Variants in ZKSCAN1 observed in about 807,000 individuals in gnomAD.
ZKSCAN1 encodes the protein zinc finger with KRAB and SCAN domains 1.
Under a neutral mutation model 51.6 loss-of-function variants are expected in ZKSCAN1, and 14 were observed. That is an observed-to-expected ratio of 0.27 (90% CI 0.18 to 0.42). The LOEUF (loss-of-function observed/expected upper bound fraction) is 0.42, where lower values mean the gene tolerates loss of function less well. ZKSCAN1 is among the 10% of genes least tolerant of loss of function. The probability of loss-of-function intolerance (pLI) is 1.00; values close to 1 mark genes in which losing one functional copy is unlikely to be tolerated. For missense variants in ZKSCAN1, 531 were observed against 710.0 expected, an observed-to-expected ratio of 0.75 and a Z score of 2.86; for synonymous variants, 263 against 261.5, an observed-to-expected ratio of 1.01 and a Z score of -0.06.
chr7:100,037,132 G>T lies in ZKSCAN1; in HGVS notation c.*2935G>T. The T allele has an allele frequency of 1.0e-6, 1 of 985,380 alleles. No individual in the cohort carries two copies. Among genetic ancestry groups the T allele is most frequent in the Non-Finnish European group, 1.2e-6 (1 of 829,918 alleles). 61.0% of individuals were successfully genotyped at this position (985,380 alleles called of 1,614,324 possible). A position where few individuals can be genotyped will look rare whatever the true frequency, so the allele number is the denominator to read the frequency against. ...AGATGCTCAGTGCAAAGTGTAATTG[G>T]GTCATGGTCAAAAACGCTTGCAACA... On this transcript the variant is annotated 3_prime_UTR_variant, in exon 6 of 6. Transcript: ENST00000324306.
chr7:100,026,848 C>T (rs1790857912), intron 3 of ZKSCAN1, among the ~76,000 whole-genome samples: 1 of 152,140 alleles, frequency 6.6e-6, no homozygotes, highest in African/African-American at 2.4e-5. Flanking sequence ...AAAAGACAAA[C>T]ATGTTGCACA....
In ZKSCAN1 at chr7:100,032,775, G is replaced by A. The variant is rs1192521264; in HGVS notation, c.800-530G>A. On this transcript the variant is annotated intron_variant, in intron 5 of 5. Transcript: ENST00000324306. ...TGTAATCCCAGCACTTTGGGAGGCC[G>A]AGGCGGGTGGATCACGAGGTCAGGA... Among the ~76,000 whole-genome samples the A allele has an allele frequency of 3.9e-5, 6 of 152,108 alleles. No homozygotes were observed. The South Asian group carries it at 1.0e-3, about 26-fold the overall frequency.
Position 100,034,662 on chromosome 7 carries a change from C to G in ZKSCAN1, c.*465C>G, listed in dbSNP as rs149728897. The G allele has an allele frequency of 1.6e-6, 1 of 621,384 alleles. No individual in the cohort carries two copies. Among genetic ancestry groups the G allele is most frequent in the Admixed American group, 5.9e-5 (1 of 16,964 alleles). The allele number at this position is 621,384 out of a possible 1,614,324, so 38.5% of individuals were successfully genotyped here. ...AAAAGAGGGACAGTGAAAACAAAAA[C>G]GACATTGGGACATGCTGCTCAAGGT... On this transcript the variant is annotated 3_prime_UTR_variant, in exon 6 of 6. Coordinates refer to ENST00000324306, the MANE Select transcript of ZKSCAN1 (RefSeq NM_003439.4).
chr7:100,017,446 C>A (rs1016969228), intron 1 of ZKSCAN1, among the ~76,000 whole-genome samples: 5 of 152,220 alleles, frequency 3.3e-5, no homozygotes, highest in South Asian at 2.1e-4. Context: ...TGGTCTCGAA[C>A]GCCTGATCTC....
chr7:100,029,318 T>C (rs1169158544), intron 3 of ZKSCAN1, among the ~76,000 whole-genome samples: 3 of 151,992 alleles, frequency 2.0e-5, no homozygotes, highest in Admixed American at 1.3e-4. Flanking sequence ...CAGGCTGGAG[T>C]GCGTGATCAT....
Position 100,029,931 on chromosome 7 carries a change from A to T in ZKSCAN1, c.651A>T (p.Ala217=), listed in dbSNP as rs754323987. 1 of 1,614,106 alleles carries T rather than the reference A, an allele frequency of 6.2e-7. No individual in the cohort carries two copies. The highest frequency in any genetic ancestry group is 8.5e-7 in the Non-Finnish European group (1 of 1,180,002). Residue 217 remains alanine (A), a synonymous_variant, in exon 4 of 6, where the codon GCA becomes GCT. Coordinates refer to ENST00000324306, the MANE Select transcript of ZKSCAN1 (RefSeq NM_003439.4). Reference sequence around the variant, plus strand: ...CCAGAGACCAGGCGATGGCATCTGCACTATTCACAGCGGATTCCCAGGTGA... The same window carrying T: ...CCAGAGACCAGGCGATGGCATCTGCTCTATTCACAGCGGATTCCCAGGTGA... ...GSPRDQAMAS[A]LFTADSQAMV...
At chr7:100,032,391 G>T (rs763326363) in intron 5 of ZKSCAN1, among the ~76,000 whole-genome samples, 2 of 151,956 alleles carry the variant, frequency 1.3e-5, no homozygotes. Context: ...CATTCCCCTT[G>T]TGTCTGTTTC....
chr7:100,026,024 C>A (rs537401410), intron 3 of ZKSCAN1, among the ~76,000 whole-genome samples: 1 of 152,178 alleles, frequency 6.6e-6, no homozygotes, highest in African/African-American at 2.4e-5. Flanking sequence ...AGTTCGAGAT[C>A]AGCCTGACCA....
chr7:100,038,054 T>C lies in ZKSCAN1; in HGVS notation c.*3857T>C, dbSNP rs1791438882. The C allele has an allele frequency of 1.0e-6, 1 of 985,230 alleles. No individual in the cohort carries two copies. Among genetic ancestry groups the C allele is most frequent in the Non-Finnish European group, 1.2e-6 (1 of 829,890 alleles). The allele number at this position is 985,230 out of a possible 1,614,324, so 61.0% of individuals were successfully genotyped here. On this transcript the variant is annotated 3_prime_UTR_variant, in exon 6 of 6. Transcript: ENST00000324306. ...AAAGTTGCGGGGGGGTGCTCAATCTTAACTGCAGAGGATCTACAGATGAAA... is the reference window on the plus strand; with the variant it reads ...AAAGTTGCGGGGGGGTGCTCAATCTCAACTGCAGAGGATCTACAGATGAAA...
At position 100,040,218 on chromosome 7, in the gene ZKSCAN1, T is replaced by A. The variant is rs1409450235; in HGVS notation, c.*6021T>A. On this transcript the variant is annotated 3_prime_UTR_variant, in exon 6 of 6. Transcript: ENST00000324306. The stretch of plus-strand genomic sequence containing the variant: ...TTAACATGAGAATTGAATTTCATGA[T>A]GTGTGGTTCCATTTAATAGCGGACA... 3.1e-5 allele frequency: 31 copies of A among 985,340 alleles called. No individual in the cohort carries two copies. The highest frequency in any genetic ancestry group is 1.4e-4 in the South Asian group (3 of 21,298). 61.0% of individuals were successfully genotyped at this position (985,340 alleles called of 1,614,324 possible).
rs1173824576 is a variant in ZKSCAN1, at chr7:100,033,054, C to A, written c.800-251C>A. ...GGGCGTGGTAGCATGCACCTATAGT[C>A]CCAGCTACTTGGGAGGCTGAGGCAG... On this transcript the variant is annotated intron_variant, in intron 5 of 5. Coordinates refer to ENST00000324306, the MANE Select transcript of ZKSCAN1 (RefSeq NM_003439.4). The surrounding 1 kb of genome is among the most constrained non-coding windows in gnomAD (Gnocchi z 4.1). Among the ~76,000 whole-genome samples, 3 of 151,506 alleles carry A rather than the reference C, an allele frequency of 2.0e-5. No individual in the cohort carries two copies. Among genetic ancestry groups the A allele is most frequent in the Non-Finnish European group, 4.4e-5 (3 of 67,960 alleles).
chr7:100,044,680 CAAAAAAAAAAAAA>C (rs59706759), downstream of ZKSCAN1: 165,269 of 415,494 alleles, frequency 0.4, 17,181 homozygotes, highest in East Asian at 0.5. Flanking sequence ...GACTCTATCT[CAAAAAAAAAAAAA>C]AAAAAAAAAA....
Position 100,037,993 on chromosome 7 carries a change from C to G in ZKSCAN1, c.*3796C>G. On this transcript the variant is annotated 3_prime_UTR_variant, in exon 6 of 6. Transcript: ENST00000324306. ...TAAGATCATGCCACTGGCACTCCAG[C>G]CTTGAGTGACAGAGCGAGGCTCTGT... The G allele has an allele frequency of 1.0e-6, 1 of 977,908 alleles. No homozygotes were observed. The highest frequency in any genetic ancestry group is 1.2e-6 in the Non-Finnish European group (1 of 823,194). 60.6% of individuals were successfully genotyped at this position (977,908 alleles called of 1,614,324 possible).
chr7:100,034,641 G>A lies in ZKSCAN1; in HGVS notation c.*444G>A. 1.1e-6 allele frequency: 1 copy of A among 882,568 alleles called. No homozygotes were observed. The highest frequency in any genetic ancestry group is 1.4e-6 in the Non-Finnish European group (1 of 734,086). The allele number at this position is 882,568 out of a possible 1,614,324, so 54.7% of individuals were successfully genotyped here. On this transcript the variant is annotated 3_prime_UTR_variant, in exon 6 of 6. Transcript: ENST00000324306. ...AACATCCTGCTTATTTCTCAAAAAAGAGGGACAGTGAAAACAAAAACGACA... is the reference window on the plus strand; with the variant it reads ...AACATCCTGCTTATTTCTCAAAAAAAAGGGACAGTGAAAACAAAAACGACA...
In ZKSCAN1 at chr7:100,040,664, G is replaced by A; in HGVS notation, c.*6467G>A. On this transcript the variant is annotated 3_prime_UTR_variant, in exon 6 of 6. Coordinates refer to ENST00000324306, the MANE Select transcript of ZKSCAN1 (RefSeq NM_003439.4). ...CAGTATGGAAGGAGAAGGGGGAAGA[G>A]GACGGTAACGGCCCCACACTCCAGG... 5.1e-6 allele frequency: 5 copies of A among 985,472 alleles called. No individual in the cohort carries two copies. Among genetic ancestry groups the A allele is most frequent in the Non-Finnish European group, 6.0e-6 (5 of 829,968 alleles). 61.0% of individuals were successfully genotyped at this position (985,472 alleles called of 1,614,324 possible).
chr7:100,027,320 G>A lies in ZKSCAN1; in HGVS notation c.581-2541G>A, dbSNP rs957268044. ...AAAAAAAAAAAAAAAAGAATTGGTC[G>A]AGGCACATTCCTTAACCAGTGTGTT... On this transcript the variant is annotated intron_variant, in intron 3 of 5. Coordinates refer to ENST00000324306, the MANE Select transcript of ZKSCAN1 (RefSeq NM_003439.4). Among the ~76,000 whole-genome samples the A allele has an allele frequency of 7.3e-5, 11 of 151,452 alleles. No homozygotes were observed. The Middle Eastern group carries it at 0.01, about 140-fold the overall frequency.
intron 3 of ZKSCAN1, among the ~76,000 whole-genome samples, chr7:100,029,513 A>G (rs1228104505): frequency 6.6e-6 from 1 of 152,160 alleles, no homozygotes. Flanking sequence ...GAAGGTACCC[A>G]CTTTTATAGC....
chr7:100,030,821 T>C (rs1791075223), intron 5 of ZKSCAN1, among the ~76,000 whole-genome samples: 1 of 152,244 alleles, frequency 6.6e-6, no homozygotes, highest in Admixed American at 6.5e-5. Context: ...TTCTGTTGGC[T>C]TTCTGTCTTC....
downstream of ZKSCAN1, among the ~76,000 whole-genome samples, chr7:100,042,606 G>A (rs544297194): frequency 2.0e-5 from 3 of 152,080 alleles, no homozygotes; most frequent in South Asian, 2.1e-4. Flanking sequence ...GCTTTGGACC[G>A]GCTATAAATC....
Sources: gnomAD v4.1 joint callset for allele counts (sites outside exome capture counted in the v4.1 genomes callset) on GRCh38, gnomAD v4.1.1 for gene constraint, Gnocchi (gnomAD v3.1) non-coding constraint, MANE v1.5 for transcripts, NCBI Gene and HGNC (gene_info 2026-07-23, HGNC 2026-07-21) for gene names.